COL27A1: variants seen among roughly 807,000 people sequenced by gnomAD.
COL27A1 encodes collagen type XXVII alpha 1 chain, also known as collagen alpha-1(XXVII) chain.
In COL27A1, 106 loss-of-function variants were observed where a neutral mutation model predicts 251.3. That is an observed-to-expected ratio of 0.42 (90% CI 0.36 to 0.50). COL27A1 has a LOEUF of 0.50. Ranked by LOEUF, COL27A1 falls within the 20% of genes least tolerant of loss-of-function variation. COL27A1 has a pLI of 0.00. For missense variants in COL27A1, 2,325 were observed against 2,522.8 expected (o/e 0.92, Z 1.68); for synonymous variants, 1,000 against 986.3 (o/e 1.01, Z -0.26).
chr9:114,209,898 A>G (rs1014097409), intron 11 of COL27A1, among the ~76,000 whole-genome samples, 170 bp downstream of exon 11: 1 of 152,222 alleles, frequency 6.6e-6, no homozygotes, highest in Admixed American at 6.5e-5. Context: ...CATTCCAGGC[A>G]TAGGGAACAG....
chr9:114,310,630 A>G lies in COL27A1; in HGVS notation c.5518A>G (p.Asn1840Asp). The G allele has an allele frequency of 1.2e-6, 2 of 1,614,186 alleles. No homozygotes were observed. Among genetic ancestry groups the G allele is most frequent in the Non-Finnish European group, 1.7e-6 (2 of 1,180,030 alleles). Reference sequence around the variant, plus strand: ...ACAGCTGCCCATCATCAGTGTGGACAACCTCCCTCCTGCCTCATCAGGGAA... The same window carrying G: ...ACAGCTGCCCATCATCAGTGTGGACGACCTCCCTCCTGCCTCATCAGGGAA... ...PQQLPIISVD[N>D]LPPASSGKQY... The change falls in exon 61 of 61, where the codon AAC (asparagine) becomes GAC (aspartate). Residue 1840 changes from asparagine (N) to aspartate (D), a missense_variant. Coordinates refer to ENST00000356083, the MANE Select transcript of COL27A1 (RefSeq NM_032888.4).
At chr9:114,185,601 A>C (rs1828275714) in intron 5 of COL27A1, among the ~76,000 whole-genome samples, 1 of 152,202 alleles carries the variant, frequency 6.6e-6, no homozygotes, top group South Asian at 2.1e-4. Flanking sequence ...TAGAGTCCTT[A>C]CTGTTCAGCA....
intron 36 of COL27A1, among the ~76,000 whole-genome samples, chr9:114,274,649 G>A (rs1454690236): frequency 1.3e-5 from 2 of 152,312 alleles, no homozygotes; most frequent in South Asian, 2.1e-4. Flanking sequence ...AGGAGGGCAC[G>A]TTCACCATAG....
At chr9:114,233,835 G>T (rs1832143344) in intron 16 of COL27A1, among the ~76,000 whole-genome samples, 1 of 152,080 alleles carries the variant, frequency 6.6e-6, no homozygotes, top group Non-Finnish European at 1.5e-5. Context: ...AATGTCTTTA[G>T]GGGAAAAAAG....
intron 23 of COL27A1, among the ~76,000 whole-genome samples, chr9:114,244,095 T>G (rs1397052251): frequency 6.6e-6 from 1 of 151,918 alleles, no homozygotes; most frequent in Non-Finnish European, 1.5e-5. Context: ...CCAGCTAATT[T>G]TTTTGTATTT....
intron 7 of COL27A1, among the ~76,000 whole-genome samples, chr9:114,202,954 G>A (rs1482146081): frequency 2.0e-5 from 3 of 152,038 alleles, no homozygotes; most frequent in Non-Finnish European, 4.4e-5. Context: ...TTTAATTGTG[G>A]TTAAAAAGCA....
At chr9:114,244,791 A>G (rs1038141254) in intron 23 of COL27A1, among the ~76,000 whole-genome samples, 15 of 152,120 alleles carry the variant, frequency 9.9e-5, no homozygotes, top group Non-Finnish European at 1.9e-4. Flanking sequence ...TCCCTCAGAT[A>G]CCAGTTGGGT....
At position 114,169,610 on chromosome 9, in the gene COL27A1, C is replaced by A. The variant is rs539777771; in HGVS notation, c.1908+147C>A. On this transcript the variant is annotated intron_variant, in intron 3 of 60. Coordinates refer to ENST00000356083, the MANE Select transcript of COL27A1 (RefSeq NM_032888.4). ...GGTACATCCTTGGCTCCAGCCAGGC[C>A]CCCGGCTCCTCTGGCTCTGCTAAAT... 3.0e-5 allele frequency: 17 copies of A among 574,710 alleles called. No individual in the cohort carries two copies. In the South Asian group the frequency reaches 5.6e-4, roughly 19 times the overall value. The allele number at this position is 574,710 out of a possible 1,614,324, so 35.6% of individuals were successfully genotyped here.
chr9:114,189,145 T>G (rs763768498), intron 5 of COL27A1, among the ~76,000 whole-genome samples: 14 of 152,380 alleles, frequency 9.2e-5, no homozygotes, highest in Non-Finnish European at 1.9e-4. Context: ...TTTCCCATTT[T>G]AAGGTCAGAT....
intron 28 of COL27A1, among the ~76,000 whole-genome samples, chr9:114,262,985 G>C (rs2636857): frequency 0.77 from 113,985 of 147,232 alleles, 44,312 homozygotes; most frequent in African/African-American, 0.81. Flanking sequence ...GTCGCCCAGG[G>C]TGGAGTGCAG....
At chr9:114,170,316 C>T (rs1325090598) in intron 3 of COL27A1, among the ~76,000 whole-genome samples, 1 of 152,208 alleles carries the variant, frequency 6.6e-6, no homozygotes, top group Non-Finnish European at 1.5e-5. Flanking sequence ...TCCGGCTTGC[C>T]TGGGACCGTC....
chr9:114,235,932 C>T (rs980748744), intron 17 of COL27A1, among the ~76,000 whole-genome samples: 7 of 152,106 alleles, frequency 4.6e-5, no homozygotes, highest in Non-Finnish European at 5.9e-5. Context: ...CTCTGCTCTC[C>T]GCTCACACAC....
At chr9:114,310,184 C>T (rs1829349801) in intron 60 of COL27A1, among the ~76,000 whole-genome samples, 1 of 152,038 alleles carries the variant, frequency 6.6e-6, no homozygotes, top group Non-Finnish European at 1.5e-5. Flanking sequence ...CACTAAAGAA[C>T]TTATTCATGT....
At chr9:114,176,332 T>C (rs1827435674) in intron 3 of COL27A1, among the ~76,000 whole-genome samples, 1 of 152,190 alleles carries the variant, frequency 6.6e-6, no homozygotes, top group Non-Finnish European at 1.5e-5. Flanking sequence ...CTTAAAATTT[T>C]GAGTTGAGGA....
chr9:114,242,177 C>A lies in COL27A1; in HGVS notation c.2836-10C>A. 1 of 1,598,442 alleles carries A rather than the reference C, an allele frequency of 6.3e-7. No individual in the cohort carries two copies. The highest frequency in any genetic ancestry group is 1.7e-4 in the Middle Eastern group (1 of 5,954). On this transcript the variant is annotated splice_polypyrimidine_tract_variant and intron_variant, in intron 21 of 60. Coordinates refer to ENST00000356083, the MANE Select transcript of COL27A1 (RefSeq NM_032888.4). Reference sequence around the variant, plus strand: ...CTCCTTTTTTCCTCTCTCGTGTCTCCCAATTCTAGGGAGATGAGGGACCCA... The same window carrying A: ...CTCCTTTTTTCCTCTCTCGTGTCTCACAATTCTAGGGAGATGAGGGACCCA...
At chr9:114,280,554 C>T (rs1389736151) in intron 37 of COL27A1, among the ~76,000 whole-genome samples, 1 of 152,166 alleles carries the variant, frequency 6.6e-6, no homozygotes, top group African/African-American at 2.4e-5. Flanking sequence ...GAATTCAGTT[C>T]CTCAGTCATA....
In COL27A1 at chr9:114,236,884, C is replaced by T. The variant is rs1463661142; in HGVS notation, c.2620-97C>T. 6 of 1,108,894 alleles carry T rather than the reference C, an allele frequency of 5.4e-6. No individual in the cohort carries two copies. The Admixed American group carries it at 5.7e-5, about 10-fold the overall frequency. The allele number at this position is 1,108,894 out of a possible 1,614,324, so 68.7% of individuals were successfully genotyped here. A position where few individuals can be genotyped will look rare whatever the true frequency, so the allele number is the denominator to read the frequency against. ...GGAGCTCATCTTCCTCCAAGGCGGGCGTTCTCTGGGCCTGGGACCAGCAGG... is the reference window on the plus strand; with the variant it reads ...GGAGCTCATCTTCCTCCAAGGCGGGTGTTCTCTGGGCCTGGGACCAGCAGG... On this transcript the variant is annotated intron_variant, in intron 17 of 60. Transcript: ENST00000356083.
intron 35 of COL27A1, among the ~76,000 whole-genome samples, chr9:114,270,284 G>A (rs550252907): frequency 3.3e-5 from 5 of 152,264 alleles, no homozygotes; most frequent in South Asian, 2.1e-4. Context: ...GTTTGCTTGC[G>A]GTCAAACAGC....
chr9:114,201,509 G>A (rs1254422168), intron 7 of COL27A1, among the ~76,000 whole-genome samples: 4 of 152,172 alleles, frequency 2.6e-5, no homozygotes, highest in Non-Finnish European at 5.9e-5. Context: ...GGAGAAACTG[G>A]GGTGTTCACG....
Sources: gnomAD v4.1 joint callset for allele counts (sites outside exome capture counted in the v4.1 genomes callset) on GRCh38, gnomAD v4.1.1 for gene constraint, MANE v1.5 for transcripts, NCBI Gene and HGNC (gene_info 2026-07-23, HGNC 2026-07-21) for gene names.